The following TRIO variants were observed in gnomAD, a reference collection of about 807,000 sequenced individuals.
The protein encoded by TRIO is triple functional domain protein.
Under a neutral mutation model 351.9 loss-of-function variants are expected in TRIO, and 58 were observed. The observed-to-expected ratio is 0.16, with a 90% confidence interval of 0.13 to 0.21. TRIO has a LOEUF of 0.21. TRIO is among the 10% of genes least tolerant of loss of function. The pLI is 1.00. For synonymous variants in TRIO, 1,758 were observed against 1,595.7 expected (o/e 1.10, Z -2.42); for missense variants, 3,201 against 4,027.8 (o/e 0.79, Z 5.56).
At chr5:14,418,525 G>A (rs1006903085) in intron 33 of TRIO, among the ~76,000 whole-genome samples, 2 of 152,150 alleles carry the variant, frequency 1.3e-5, no homozygotes, top group Non-Finnish European at 2.9e-5. Flanking sequence ...TGACTTGATG[G>A]TGATACTGTT....
intron 56 of TRIO, 25 bp downstream of exon 56, chr5:14,507,285 AGGG>A: frequency 6.2e-7 from 1 of 1,609,924 alleles, no homozygotes; most frequent in African/African-American, 1.3e-5. Flanking sequence ...GGGCAGGTGA[AGGG>A]GGGTCTGAGC....
At chr5:14,410,517 G>GT (rs1261171439) in intron 33 of TRIO, among the ~76,000 whole-genome samples, 1 of 152,190 alleles carries the variant, frequency 6.6e-6, no homozygotes, top group Non-Finnish European at 1.5e-5. Flanking sequence ...GCCCTACGTA[G>GT]TTTAAGTTTA....
chr5:14,316,656 G>A lies in TRIO; in HGVS notation c.1644G>A (p.Gln548=). The change falls in exon 9 of 57, where the codon CAG becomes CAA. Residue 548 remains glutamine (Q), a synonymous_variant. Coordinates refer to ENST00000344204, the MANE Select transcript of TRIO (RefSeq NM_007118.4). ...TCATCCACGAGGTGCTGCACCACCA[G>A]CGGCAGCTGGAGAACATCTGGCAAC... ...LDVIHEVLHH[Q]RQLENIWQHR... 1 of 1,614,222 alleles carries A rather than the reference G, an allele frequency of 6.2e-7. No homozygotes were observed. The highest frequency in any genetic ancestry group is 1.6e-4 in the Middle Eastern group (1 of 6,062).
chr5:14,336,167 G>A (rs1056663464), intron 10 of TRIO, among the ~76,000 whole-genome samples: 1 of 152,126 alleles, frequency 6.6e-6, no homozygotes, highest in African/African-American at 2.4e-5. Flanking sequence ...TCTCTGCTTG[G>A]TGATAAAACT....
At position 14,297,170 on chromosome 5, in the gene TRIO, G is replaced by A. The variant is rs780992368; in HGVS notation, c.1275G>A (p.Gln425=). The A allele has an allele frequency of 6.2e-7, 1 of 1,614,232 alleles. No individual in the cohort carries two copies. Among genetic ancestry groups the A allele is most frequent in the Non-Finnish European group, 8.5e-7 (1 of 1,180,044 alleles). ...AGCAGATCAGGCAGATCGCGAGTCA[G>A]CTGGAGCAGGAGTGGAAGGCGTTTG... The part of the protein sequence containing the change: ...ASQQIRQIAS[Q]LEQEWKAFAA... The change falls in exon 7 of 57, where the codon CAG becomes CAA. Residue 425 remains glutamine, a synonymous_variant. Transcript: ENST00000344204.
At chr5:14,463,898 CAGACCTGTCCACCACCCCTTG>C (rs1754025575) in intron 36 of TRIO, among the ~76,000 whole-genome samples, 3 of 152,204 alleles carry the variant, frequency 2.0e-5, no homozygotes, top group Admixed American at 1.3e-4. Flanking sequence ...TAACCCAAGG[CAGACCTGTCCACCACCCCTTG>C]TTGGTGGAAA....
chr5:14,149,113 G>C (rs1424199607), intron 1 of TRIO, among the ~76,000 whole-genome samples: 2 of 152,196 alleles, frequency 1.3e-5, no homozygotes. Context: ...GCATAGAGGA[G>C]TGGTCAGAGG....
chr5:14,390,623 C>T (rs1299617239), intron 26 of TRIO, among the ~76,000 whole-genome samples: 7 of 152,038 alleles, frequency 4.6e-5, no homozygotes, highest in South Asian at 2.1e-4. Context: ...GGTGAACGTG[C>T]GGTCATGCTG....
chr5:14,416,800 ACT>A (rs1279213883), intron 33 of TRIO, among the ~76,000 whole-genome samples: 1 of 151,872 alleles, frequency 6.6e-6, no homozygotes, highest in Non-Finnish European at 1.5e-5. Flanking sequence ...AATTAATAAG[ACT>A]CTGGAGAATG....
chr5:14,465,261 T>C (rs1030999792), intron 36 of TRIO, among the ~76,000 whole-genome samples: 2 of 152,182 alleles, frequency 1.3e-5, no homozygotes, highest in Non-Finnish European at 2.9e-5. Flanking sequence ...CCTTGCCTAG[T>C]CACCTCTTTG....
At chr5:14,195,003 A>G (rs1020015602) in intron 1 of TRIO, among the ~76,000 whole-genome samples, 1 of 150,646 alleles carries the variant, frequency 6.6e-6, no homozygotes, top group Non-Finnish European at 1.5e-5. Context: ...ACCTTTAAAT[A>G]TTTCAGTGTA....
Position 14,498,167 on chromosome 5 carries a change from G to T in TRIO, c.8126G>T (p.Cys2709Phe). The T allele has an allele frequency of 6.2e-7, 1 of 1,614,244 alleles. No homozygotes were observed. Among genetic ancestry groups the T allele is most frequent in the East Asian group, 2.2e-5 (1 of 44,884 alleles). ...GETVVLRCRVCGRPKASITWK... is the reference protein window; with the variant it reads ...GETVVLRCRVFGRPKASITWK... ...ACCGTTGTTCTTAGATGTCGAGTCT[G>T]TGGCCGCCCCAAAGCCTCAATTACC... Residue 2709 changes from cysteine to phenylalanine, a missense_variant, in exon 52 of 57, where the codon TGT becomes TTT. Transcript: ENST00000344204.
At chr5:14,164,963 T>C (rs1335348922) in intron 1 of TRIO, among the ~76,000 whole-genome samples, 1 of 152,212 alleles carries the variant, frequency 6.6e-6, no homozygotes, top group African/African-American at 2.4e-5. Flanking sequence ...ACAGAACAGA[T>C]GGCCCTTGCC....
intron 4 of TRIO, among the ~76,000 whole-genome samples, chr5:14,288,998 T>C (rs1442562750): frequency 6.6e-6 from 1 of 152,130 alleles, no homozygotes. Flanking sequence ...TCCCAGCACT[T>C]TGAGATTCTA....
chr5:14,355,575 T>C (rs550275695), intron 11 of TRIO, among the ~76,000 whole-genome samples: 11 of 152,360 alleles, frequency 7.2e-5, no homozygotes, highest in African/African-American at 2.6e-4. Flanking sequence ...TTACTCTAAA[T>C]CTTATAATAC....
intron 34 of TRIO, among the ~76,000 whole-genome samples, chr5:14,425,362 C>T (rs1298714891): frequency 6.6e-6 from 1 of 152,144 alleles, no homozygotes; most frequent in Non-Finnish European, 1.5e-5. Context: ...TAGAAGATTC[C>T]GTGTTCTGAC....
intron 1 of TRIO, among the ~76,000 whole-genome samples, chr5:14,228,325 G>C (rs1325012134): frequency 6.6e-6 from 1 of 151,338 alleles, no homozygotes; most frequent in African/African-American, 2.5e-5. Flanking sequence ...CAGAATTGGA[G>C]ACTGTTCCCT....
At chr5:14,457,721 A>G (rs555702182) in intron 34 of TRIO, among the ~76,000 whole-genome samples, 1 of 152,108 alleles carries the variant, frequency 6.6e-6, no homozygotes, top group Non-Finnish European at 1.5e-5. Context: ...TCTGCTGAAC[A>G]GTAGGGAGGT....
intron 1 of TRIO, among the ~76,000 whole-genome samples, chr5:14,200,051 C>A: frequency 6.6e-6 from 1 of 152,164 alleles, no homozygotes; most frequent in Non-Finnish European, 1.5e-5. Flanking sequence ...ATCTTAGTGT[C>A]CTGGCAACTA....
Sources: allele counts gnomAD v4.1 joint callset (sites outside exome capture counted in the v4.1 genomes callset), GRCh38; gene constraint gnomAD v4.1.1; transcripts MANE v1.5; gene names NCBI Gene and HGNC (gene_info 2026-07-23, HGNC 2026-07-21).